Variants in CTIF observed in about 807,000 individuals in gnomAD.
CTIF encodes the protein CBP80/20-dependent translation initiation factor.
Under a neutral mutation model 66.0 loss-of-function variants are expected in CTIF, and 21 were observed. The ratio of observed to expected loss-of-function variants is 0.32; its 90% CI spans 0.23 to 0.46. CTIF has a LOEUF of 0.46. Ranked by LOEUF, CTIF falls within the 20% of genes least tolerant of loss-of-function variation. The pLI is 1.00. For synonymous variants in CTIF, 345 were observed against 326.4 expected (o/e 1.06, Z -0.62); for missense variants, 739 against 812.7 (o/e 0.91, Z 1.10).
chr18:48,612,293 G>C (rs972791715), intron 1 of CTIF, among the ~76,000 whole-genome samples: 2 of 152,188 alleles, frequency 1.3e-5, no homozygotes, highest in East Asian at 1.9e-4. Context: ...TCCTCGGGGA[G>C]AGCCTGGGCA....
At chr18:48,819,395 C>G (rs2068435489) in intron 10 of CTIF, among the ~76,000 whole-genome samples, 3 of 152,230 alleles carry the variant, frequency 2.0e-5, no homozygotes, top group Admixed American at 2.0e-4. Context: ...GGGAGCAGCA[C>G]TGTTCTAGGG....
chr18:48,568,748 C>T (rs1185528659), intron 1 of CTIF, among the ~76,000 whole-genome samples: 1 of 147,096 alleles, frequency 6.8e-6, no homozygotes, highest in African/African-American at 2.5e-5. Context: ...AGCAAAGGCA[C>T]ATCTTACATG....
At chr18:48,669,110 G>C (rs546661328) in intron 5 of CTIF, among the ~76,000 whole-genome samples, 1 of 152,220 alleles carries the variant, frequency 6.6e-6, no homozygotes, top group South Asian at 2.1e-4. Context: ...CCCCAGTGGT[G>C]CTCCGGCACC....
intron 2 of CTIF, among the ~76,000 whole-genome samples, chr18:48,627,671 A>C (rs1404590461): frequency 6.6e-6 from 1 of 151,714 alleles, no homozygotes; most frequent in Non-Finnish European, 1.5e-5. Flanking sequence ...GTGAGCTGAG[A>C]TCACACCCCT....
At chr18:48,857,976 A>C (rs1022071165) in intron 11 of CTIF, among the ~76,000 whole-genome samples, 1 of 152,226 alleles carries the variant, frequency 6.6e-6, no homozygotes, top group African/African-American at 2.4e-5. Context: ...CTCTGCCCTC[A>C]AATATTTCCC....
chr18:48,566,091 T>G (rs2089274481), intron 1 of CTIF: 1 of 152,260 alleles, frequency 6.6e-6, no homozygotes, highest in African/African-American at 2.4e-5. Flanking sequence ...GCCAGCCCAT[T>G]GTACAGTCCC....
At chr18:48,591,876 C>T (rs566788935) in intron 1 of CTIF, among the ~76,000 whole-genome samples, 1 of 152,316 alleles carries the variant, frequency 6.6e-6, no homozygotes, top group East Asian at 1.9e-4. Context: ...GCCTCCTAAG[C>T]AGCTGGTACT....
chr18:48,626,660 T>G (rs1272321276), intron 2 of CTIF, among the ~76,000 whole-genome samples: 3 of 146,570 alleles, frequency 2.0e-5, no homozygotes, highest in East Asian at 3.9e-4. Flanking sequence ...TTTTTTGTTT[T>G]TTTTTTTTTT....
chr18:48,781,312 C>T (rs553390777), intron 9 of CTIF, among the ~76,000 whole-genome samples: 19 of 152,258 alleles, frequency 1.2e-4, no homozygotes, highest in African/African-American at 4.1e-4. Flanking sequence ...CTGGGGGCGG[C>T]GGCTGGGAGG....
chr18:48,557,849 C>T (rs900298726), intron 1 of CTIF, among the ~76,000 whole-genome samples: 2 of 152,228 alleles, frequency 1.3e-5, no homozygotes, highest in African/African-American at 4.8e-5. Context: ...GAAGAGACAG[C>T]TGTCTGGTGT....
intron 10 of CTIF, among the ~76,000 whole-genome samples, chr18:48,838,970 C>A (rs1169026177): frequency 2.6e-5 from 4 of 152,178 alleles, no homozygotes; most frequent in Admixed American, 6.5e-5. Context: ...CTCCCCAAGC[C>A]TGCACCTCCT....
chr18:48,641,391 C>T (rs997760079), intron 3 of CTIF, among the ~76,000 whole-genome samples: 1 of 152,198 alleles, frequency 6.6e-6, no homozygotes, highest in African/African-American at 2.4e-5. Context: ...ACCGTGTTGG[C>T]TGTTAAGCAA....
rs184543971 is a variant in CTIF, at chr18:48,845,547, T to G, written c.1528-12041T>G. 4.7e-4 allele frequency among the ~76,000 whole-genome samples: 72 copies of G among 152,302 alleles called. 3 individuals carry two copies. In the East Asian group the frequency reaches 0.01, roughly 22 times the overall value. ...TCCTCTCTCACCCTTTAGGCATTGC[T>G]GTGTTCAGGTTGGGAGCCCCTGCCG... On this transcript the variant is annotated intron_variant, in intron 10 of 11. Coordinates refer to ENST00000256413, the MANE Select transcript of CTIF (RefSeq NM_014772.3).
Position 48,859,351 on chromosome 18 carries a change from G to A in CTIF, c.1589G>A (p.Ser530Asn), listed in dbSNP as rs762938074. The stretch of plus-strand genomic sequence containing the variant: ...CCACATCTCTGTCTGCAGCTGCAGA[G>A]TACAGGCCGGCTGCTGGAGGAACAG... Reference protein sequence around the residue: ...AVLCCSMELQSTGRLLEEQLP... With the variant: ...AVLCCSMELQNTGRLLEEQLP... The change falls in exon 12 of 12, where the codon AGT (serine) becomes AAT (asparagine). Residue 530 changes from serine (S) to asparagine (N), a missense_variant. This residue lies in a region of CTIF where 210 missense variants were observed against 292.3 expected (regional missense o/e 0.72). Transcript: ENST00000256413. 1 of 1,614,084 alleles carries A rather than the reference G, an allele frequency of 6.2e-7. No individual in the cohort carries two copies. The highest frequency in any genetic ancestry group is 8.5e-7 in the Non-Finnish European group (1 of 1,180,018).
At chr18:48,750,934 A>G (rs1159588311) in intron 7 of CTIF, among the ~76,000 whole-genome samples, 1 of 152,226 alleles carries the variant, frequency 6.6e-6, no homozygotes, top group East Asian at 1.9e-4. Context: ...ATTCGGGGCC[A>G]AACTATATAA....
In CTIF at chr18:48,857,579, C is replaced by A; in HGVS notation, c.1528-9C>A. ...CTTCAGTGGTGCTCTCTGCCCCTCTCTTCCACAGCTCTTGCAATCTCAGGA... is the reference window on the plus strand; with the variant it reads ...CTTCAGTGGTGCTCTCTGCCCCTCTATTCCACAGCTCTTGCAATCTCAGGA... On this transcript the variant is annotated splice_polypyrimidine_tract_variant and intron_variant, in intron 10 of 11. Coordinates refer to ENST00000256413, the MANE Select transcript of CTIF (RefSeq NM_014772.3). 6.2e-7 allele frequency: 1 copy of A among 1,608,972 alleles called. No homozygotes were observed. Among genetic ancestry groups the A allele is most frequent in the Admixed American group, 1.7e-5 (1 of 59,360 alleles).
At chr18:48,592,648 C>A (rs372212069) in intron 1 of CTIF, among the ~76,000 whole-genome samples, 5 of 152,200 alleles carry the variant, frequency 3.3e-5, no homozygotes, top group African/African-American at 1.2e-4. Flanking sequence ...TAATAACCAG[C>A]GCGAGCCTGC....
intron 10 of CTIF, among the ~76,000 whole-genome samples, chr18:48,819,596 G>A (rs766560981): frequency 6.6e-6 from 1 of 152,188 alleles, no homozygotes; most frequent in African/African-American, 2.4e-5. Context: ...CAGGAGATGT[G>A]TGCAGACAAG....
chr18:48,840,119 A>C (rs566839637), intron 10 of CTIF, among the ~76,000 whole-genome samples: 1 of 152,282 alleles, frequency 6.6e-6, no homozygotes, highest in South Asian at 2.1e-4. Context: ...TGAGGCTCTT[A>C]CCATTGTTCT....
Sources: gnomAD v4.1 joint callset for allele counts (sites outside exome capture counted in the v4.1 genomes callset) on GRCh38, gnomAD v4.1.1 for gene constraint, gnomAD v4.1.1 regional missense constraint, MANE v1.5 for transcripts, NCBI Gene and HGNC (gene_info 2026-07-23, HGNC 2026-07-21) for gene names.